The following MTSS1 variants were observed in gnomAD, a reference collection of about 807,000 sequenced individuals.
MTSS1 encodes MTSS I-BAR domain containing 1, also known as protein MTSS 1.
MTSS1 carries 18 observed loss-of-function variants against 79.0 expected under a neutral mutation model. The ratio of observed to expected loss-of-function variants is 0.23; its 90% confidence interval spans 0.16 to 0.34. MTSS1 has a LOEUF of 0.34. MTSS1 is among the 10% of genes least tolerant of loss of function. The pLI, the probability that MTSS1 is intolerant of heterozygous loss-of-function variation, is 1.00. For missense variants in MTSS1, 815 were observed against 986.2 expected (o/e 0.83, Z 2.33); for synonymous variants, 341 against 368.6 (o/e 0.93, Z 0.86).
At chr8:124,592,636 TA>T (rs1177617978) in intron 3 of MTSS1, among the ~76,000 whole-genome samples, 1 of 152,206 alleles carries the variant, frequency 6.6e-6, no homozygotes, top group African/African-American at 2.4e-5. Flanking sequence ...AACCAAATAA[TA>T]GTAACTGTGA....
At chr8:124,688,093 T>C (rs1317893946) in intron 3 of MTSS1, among the ~76,000 whole-genome samples, 1 of 152,158 alleles carries the variant, frequency 6.6e-6, no homozygotes, top group Non-Finnish European at 1.5e-5. Context: ...GCAGTGTCTT[T>C]TACTAGAAAT....
chr8:124,684,456 A>G (rs953513414), intron 3 of MTSS1, among the ~76,000 whole-genome samples: 1 of 152,238 alleles, frequency 6.6e-6, no homozygotes, highest in Admixed American at 6.5e-5. Context: ...AAAAGAACGA[A>G]TGACAAGGCG....
chr8:124,653,622 G>T (rs1820404369), intron 3 of MTSS1, among the ~76,000 whole-genome samples: 1 of 152,228 alleles, frequency 6.6e-6, no homozygotes, highest in South Asian at 2.1e-4. Flanking sequence ...TACTTGGGAG[G>T]CTGAGGCAGG....
At chr8:124,584,700 G>A (rs1830559928) in intron 6 of MTSS1, among the ~76,000 whole-genome samples, 1 of 152,188 alleles carries the variant, frequency 6.6e-6, no homozygotes, top group African/African-American at 2.4e-5. Context: ...GGGTTTTGAA[G>A]ATTATAGGCT....
intron 6 of MTSS1, chr8:124,579,581 T>A (rs1314335777): frequency 2.0e-5 from 3 of 152,224 alleles, no homozygotes; most frequent in African/African-American, 7.2e-5. Flanking sequence ...TCCAAAGGTT[T>A]ACTAGAAACT....
At chr8:124,698,936 A>G (rs2135398719) in intron 3 of MTSS1, among the ~76,000 whole-genome samples, 1 of 152,232 alleles carries the variant, frequency 6.6e-6, no homozygotes, top group East Asian at 1.9e-4. Context: ...AAGCCATTAA[A>G]TTTTTTTCAT....
chr8:124,574,755 G>T (rs1262130039), intron 6 of MTSS1, among the ~76,000 whole-genome samples: 2 of 152,208 alleles, frequency 1.3e-5, no homozygotes, highest in African/African-American at 2.4e-5. Flanking sequence ...CAAGAATGCT[G>T]CCAGGAGTCA....
At chr8:124,615,085 T>C (rs1225648968) in intron 3 of MTSS1, among the ~76,000 whole-genome samples, 1 of 152,178 alleles carries the variant, frequency 6.6e-6, no homozygotes, top group Non-Finnish European at 1.5e-5. Flanking sequence ...AAAAAAGGCC[T>C]GGCAGTACAA....
At chr8:124,682,110 C>G (rs1051444760) in intron 3 of MTSS1, among the ~76,000 whole-genome samples, 1 of 152,226 alleles carries the variant, frequency 6.6e-6, no homozygotes, top group African/African-American at 2.4e-5. Flanking sequence ...CAACTCAAAT[C>G]AAAGGTTCTT....
chr8:124,722,737 C>G (rs1833129489), intron 1 of MTSS1, among the ~76,000 whole-genome samples: 1 of 152,208 alleles, frequency 6.6e-6, no homozygotes, highest in South Asian at 2.1e-4. Context: ...TCCTAGGCAG[C>G]TAAATCTGTC....
chr8:124,595,389 A>G (rs1832582072), intron 3 of MTSS1, among the ~76,000 whole-genome samples: 2 of 152,180 alleles, frequency 1.3e-5, no homozygotes, highest in Admixed American at 6.5e-5. Flanking sequence ...CAGGTACCAC[A>G]GGGCTGGCAT....
chr8:124,701,917 T>G (rs62528760), intron 2 of MTSS1, among the ~76,000 whole-genome samples: 45,569 of 152,078 alleles, frequency 0.3, 7,160 homozygotes, highest in East Asian at 0.5. Flanking sequence ...ACTATGTGCA[T>G]GAGGCCCCTA....
intron 3 of MTSS1, among the ~76,000 whole-genome samples, chr8:124,631,031 A>G (rs1315888381): frequency 1.3e-5 from 2 of 152,250 alleles, no homozygotes; most frequent in East Asian, 3.8e-4. Flanking sequence ...CTGGAGCCAG[A>G]AACATGTGTA....
At chr8:124,712,209 C>T (rs1831273636) in intron 1 of MTSS1, among the ~76,000 whole-genome samples, 1 of 152,132 alleles carries the variant, frequency 6.6e-6, no homozygotes, top group Non-Finnish European at 1.5e-5. Flanking sequence ...CTGGGAGGGG[C>T]TTTTAAATCT....
At chr8:124,657,328 G>A (rs2134291244) in intron 3 of MTSS1, among the ~76,000 whole-genome samples, 1 of 152,202 alleles carries the variant, frequency 6.6e-6, no homozygotes, top group Middle Eastern at 3.4e-3. Context: ...GCGTAATGGG[G>A]TAAGTGGGGG....
At chr8:124,583,332 A>G (rs999509736) in intron 6 of MTSS1, among the ~76,000 whole-genome samples, 5 of 152,174 alleles carry the variant, frequency 3.3e-5, no homozygotes, top group South Asian at 2.1e-4. Context: ...CCAGCATTCT[A>G]TGGGTCCCAT....
chr8:124,662,939 C>G (rs953124455), intron 3 of MTSS1, among the ~76,000 whole-genome samples: 1 of 152,122 alleles, frequency 6.6e-6, no homozygotes, highest in Non-Finnish European at 1.5e-5. Context: ...GGGACCGAGA[C>G]GTGACCACGA....
chr8:124,706,171 A>G lies in MTSS1; in HGVS notation c.73-1980T>C, dbSNP rs542840225. On this transcript the variant is annotated intron_variant, in intron 1 of 13. Transcript: ENST00000518547. ...CACCTTGTTATAGAATCGTCTATTT[A>G]TATACTTCCCTAGCTGTCAATTCTG... Among the ~76,000 whole-genome samples, 39 of 152,192 alleles carry G rather than the reference A, an allele frequency of 2.6e-4. 2 individuals are homozygous for G. The South Asian group carries it at 8.1e-3, about 32-fold the overall frequency.
At chr8:124,699,243 A>C (rs975448953) in intron 3 of MTSS1, 5 of 386,478 alleles carry the variant, frequency 1.3e-5, no homozygotes, top group African/African-American at 2.1e-5. Flanking sequence ...AAGGTTCAAC[A>C]ACCAGCACGT....
Sources: gnomAD v4.1 joint callset for allele counts (sites outside exome capture counted in the v4.1 genomes callset) on GRCh38, gnomAD v4.1.1 for gene constraint, MANE v1.5 for transcripts, NCBI Gene and HGNC (gene_info 2026-07-23, HGNC 2026-07-21) for gene names.